Variants in ALB observed in about 807,000 individuals in gnomAD.
ALB encodes the protein serum albumin.
ALB carries 37 observed loss-of-function variants against 74.5 expected under a neutral mutation model. That is an observed-to-expected ratio of 0.50 (90% CI 0.38 to 0.65). The LOEUF is 0.65. Among genes scored for constraint, ALB ranks in the 30% least tolerant of loss-of-function variants. The pLI, the probability that ALB is intolerant of heterozygous loss-of-function variation, is 0.00. For synonymous variants in ALB, 249 were observed against 251.6 expected (o/e 0.99, Z 0.10); for missense variants, 685 against 718.7 (o/e 0.95, Z 0.54).
intron 4 of ALB, 170 bp downstream of exon 4, chr4:73,408,975 G>A (rs1718800832): frequency 6.4e-6 from 4 of 626,996 alleles, no homozygotes; most frequent in Non-Finnish European, 1.1e-5. Flanking sequence ...ATTCTACACA[G>A]CAAAAAATAT....
chr4:73,415,842 GC>G (rs2149328972), intron 9 of ALB, among the ~76,000 whole-genome samples: 1 of 152,248 alleles, frequency 6.6e-6, no homozygotes, highest in East Asian at 1.9e-4. Flanking sequence ...TACAATCATA[GC>G]CATCATTTAT....
At chr4:73,416,511 T>A (rs942161935) in intron 10 of ALB, among the ~76,000 whole-genome samples, 158 bp downstream of exon 10, 1 of 152,120 alleles carries the variant, frequency 6.6e-6, no homozygotes, top group Non-Finnish European at 1.5e-5. Context: ...ATAAAATAGT[T>A]GATGGGGTGG....
intron 4 of ALB, 109 bp from the exon 5 acceptor site, chr4:73,409,246 A>T: frequency 8.3e-7 from 1 of 1,206,632 alleles, no homozygotes; most frequent in South Asian, 1.3e-5. Flanking sequence ...TTAATTGGTT[A>T]ATTAGATATC....
chr4:73,407,664 G>A (rs952490158), intron 3 of ALB, among the ~76,000 whole-genome samples: 5 of 152,064 alleles, frequency 3.3e-5, no homozygotes, highest in Non-Finnish European at 7.4e-5. Flanking sequence ...TTACCTGGGT[G>A]GAATAATAGT....
chr4:73,419,742 T>C lies in ALB; in HGVS notation c.1785+103T>C, dbSNP rs1286517955. On this transcript the variant is annotated intron_variant, in intron 13 of 14. Coordinates refer to ENST00000295897, the MANE Select transcript of ALB (RefSeq NM_000477.7). Reference sequence around the variant, plus strand: ...TATATCAAAGGAGGCTTTGTACATGTGGGACAGGGATCTTATTTTACAAAC... The same window carrying C: ...TATATCAAAGGAGGCTTTGTACATGCGGGACAGGGATCTTATTTTACAAAC... 6.6e-6 allele frequency: 9 copies of C among 1,367,878 alleles called. No homozygotes were observed. In the Admixed American group the frequency reaches 7.0e-5, roughly 11 times the overall value. 84.7% of individuals were successfully genotyped at this position (1,367,878 alleles called of 1,614,324 possible).
At chr4:73,405,839 C>T (rs546056537) in intron 2 of ALB, among the ~76,000 whole-genome samples, 4 of 152,186 alleles carry the variant, frequency 2.6e-5, no homozygotes, top group East Asian at 3.9e-4. Flanking sequence ...CTGCCCACCT[C>T]GGCCTCCCAA....
rs1206705895 is a variant in ALB, at chr4:73,417,384, C to A, written c.1290-147C>A. The A allele has an allele frequency of 7.9e-6, 8 of 1,018,912 alleles. No individual in the cohort carries two copies. The African/African-American group carries it at 1.3e-4, about 16-fold the overall frequency. The allele number at this position is 1,018,912 out of a possible 1,614,324, so 63.1% of individuals were successfully genotyped here. A position where few individuals can be genotyped will look rare whatever the true frequency, so the allele number is the denominator to read the frequency against. On this transcript the variant is annotated intron_variant, in intron 10 of 14. Coordinates refer to ENST00000295897, the MANE Select transcript of ALB (RefSeq NM_000477.7). Reference sequence around the variant, plus strand: ...GTTCAGGAGAATGTTTTCTACCCTCCACTAACCCACTACTCTGCAGATGGA... The same window carrying A: ...GTTCAGGAGAATGTTTTCTACCCTCAACTAACCCACTACTCTGCAGATGGA...
chr4:73,418,081 T>C lies in ALB; in HGVS notation c.1429-7T>C. 1.2e-6 allele frequency: 2 copies of C among 1,613,836 alleles called. No individual in the cohort carries two copies. The highest frequency in any genetic ancestry group is 1.7e-6 in the Non-Finnish European group (2 of 1,179,762). The stretch of plus-strand genomic sequence containing the variant: ...TTTGAATTTCTGCTCTCCTGCCTGT[T>C]CTTTAGCTATCCGTGGTCCTGAACC... On this transcript the variant is annotated splice_polypyrimidine_tract_variant and splice_region_variant and intron_variant, in intron 11 of 14. Transcript: ENST00000295897.
chr4:73,415,005 C>A (rs756390346), intron 8 of ALB, 30 bp from the exon 9 acceptor site: 5 of 1,612,094 alleles, frequency 3.1e-6, no homozygotes, highest in Admixed American at 3.3e-5. Context: ...ATTTGTCCAA[C>A]AAAGTCTATT....
chr4:73,412,486 C>T (rs2149328294), intron 7 of ALB, among the ~76,000 whole-genome samples: 1 of 152,240 alleles, frequency 6.6e-6, no homozygotes, highest in African/African-American at 2.4e-5. Context: ...GCTCTTGTTT[C>T]CCAGGCTGGG....
rs1718843971 is a variant in ALB at position 73,410,416 on chromosome 4, A to G, written c.713+7A>G. The G allele has an allele frequency of 1.3e-6, 2 of 1,565,666 alleles. No homozygotes were observed. Among genetic ancestry groups the G allele is most frequent in the East Asian group, 4.5e-5 (2 of 44,656 alleles). ...AAAGAGCTTTCAAAGCATGGTAAAT[A>G]CTTTTAAACATAGTTGGCATCTTTA... On this transcript the variant is annotated splice_region_variant and intron_variant, in intron 6 of 14. Transcript: ENST00000295897.
chr4:73,406,170 G>A (rs1718722561), intron 2 of ALB, among the ~76,000 whole-genome samples: 1 of 152,140 alleles, frequency 6.6e-6, no homozygotes, highest in African/African-American at 2.4e-5. Flanking sequence ...GACGTAGGAG[G>A]ATCGTTTGGA....
At chr4:73,405,646 A>G (rs987507698) in intron 2 of ALB, among the ~76,000 whole-genome samples, 1 of 151,256 alleles carries the variant, frequency 6.6e-6, no homozygotes, top group Non-Finnish European at 1.5e-5. Flanking sequence ...GCTGGAGTGC[A>G]GTGGCGCAAT....
intron 8 of ALB, among the ~76,000 whole-genome samples, chr4:73,414,785 G>A (rs941436887): frequency 2.0e-5 from 3 of 152,032 alleles, no homozygotes; most frequent in Admixed American, 6.6e-5. Flanking sequence ...CCATTCTACC[G>A]AGAAGGAGAC....
At chr4:73,404,768 T>A (rs1237216350) in intron 1 of ALB, 2 of 347,282 alleles carry the variant, frequency 5.8e-6, no homozygotes, top group African/African-American at 2.1e-5. Context: ...ACCTGTGCTG[T>A]TGATCTCATA....
chr4:73,418,452 A>G, intron 12 of ALB, 141 bp downstream of exon 12: 1 of 743,212 alleles, frequency 1.3e-6, no homozygotes. Context: ...TGCTGATAAG[A>G]GTACCCAGAA....
At chr4:73,416,113 T>C in intron 9 of ALB, 143 bp from the exon 10 acceptor site, 1 of 666,090 alleles carries the variant, frequency 1.5e-6, no homozygotes, top group South Asian at 1.7e-5. Context: ...GAATGTATTG[T>C]GACAGAGCGG....
At chr4:73,413,721 A>G (rs751907282) in intron 8 of ALB, 87 bp downstream of exon 8, 61 of 1,289,506 alleles carry the variant, frequency 4.7e-5, no homozygotes, top group Non-Finnish European at 6.0e-5. Context: ...TGGAGTTGCT[A>G]CAATTTCCCT....
Position 73,413,651 on chromosome 4 carries a change from T to G in ALB, c.1058+17T>G. The G allele has an allele frequency of 6.2e-7, 1 of 1,611,714 alleles. No individual in the cohort carries two copies. The highest frequency in any genetic ancestry group is 1.1e-5 in the South Asian group (1 of 91,034). ...CCTGGGCATGTAAGTAGATAAGAAA[T>G]TATTCTTTTATAGCTTTGGCATGAC... is the stretch of plus-strand genomic sequence containing the variant. On this transcript the variant is annotated intron_variant, in intron 8 of 14. Coordinates refer to ENST00000295897, the MANE Select transcript of ALB (RefSeq NM_000477.7).
Sources: allele counts gnomAD v4.1 joint callset (sites outside exome capture counted in the v4.1 genomes callset), GRCh38; gene constraint gnomAD v4.1.1; transcripts MANE v1.5; gene names NCBI Gene and HGNC (gene_info 2026-07-23, HGNC 2026-07-21).